The following WIPF2 variants were observed in gnomAD, a reference collection of about 807,000 sequenced individuals.
The protein encoded by WIPF2 is WAS/WASL interacting protein family member 2, also known as WAS/WASL-interacting protein family member 2.
Under a neutral mutation model 38.8 loss-of-function variants are expected in WIPF2, and 23 were observed. That is an observed-to-expected ratio of 0.59 (90% confidence interval 0.43 to 0.84). WIPF2 has a LOEUF of 0.84. Among genes scored for constraint, WIPF2 ranks in the 40% least tolerant of loss-of-function variants. The probability of loss-of-function intolerance (pLI) is 0.00; values close to 1 mark genes in which losing one functional copy is unlikely to be tolerated. For missense variants in WIPF2, 574 were observed against 580.5 expected, an observed-to-expected ratio of 0.99 and a Z score of 0.11; for synonymous variants, 210 against 223.2, an observed-to-expected ratio of 0.94 and a Z score of 0.53.
At chr17:40,275,253 A>C (rs1002360241) in intron 6 of WIPF2, among the ~76,000 whole-genome samples, 2 of 151,682 alleles carry the variant, frequency 1.3e-5, no homozygotes, top group African/African-American at 2.4e-5. Flanking sequence ...AAAAAAAAAA[A>C]AAAAAAAACA....
intron 5 of WIPF2, among the ~76,000 whole-genome samples, chr17:40,272,105 C>T (rs193212228): frequency 2.0e-5 from 3 of 151,914 alleles, no homozygotes; most frequent in East Asian, 3.9e-4. Context: ...CCGCAACCTC[C>T]GCCTCTTGGG....
intron 1 of WIPF2, among the ~76,000 whole-genome samples, chr17:40,251,996 C>T (rs1215727748): frequency 6.6e-6 from 1 of 152,014 alleles, no homozygotes; most frequent in Non-Finnish European, 1.5e-5. Context: ...TGCTGTGTTG[C>T]CTAGGCTGGA....
intron 1 of WIPF2, among the ~76,000 whole-genome samples, chr17:40,240,284 C>T (rs1199969730): frequency 2.0e-5 from 3 of 151,702 alleles, no homozygotes; most frequent in Non-Finnish European, 2.9e-5. Context: ...AGGCTGGTCT[C>T]GAACCCTTGA....
At chr17:40,256,274 G>T in intron 1 of WIPF2, 117 bp from the exon 2 acceptor site, 1 of 748,894 alleles carries the variant, frequency 1.3e-6, no homozygotes. Context: ...TATCACAGTG[G>T]AACTAAAAGA....
chr17:40,220,613 A>ATGTATATG (rs1260630534), intron 1 of WIPF2: 1 of 81,896 alleles, frequency 1.2e-5, no homozygotes, highest in Non-Finnish European at 2.3e-5. Context: ...ATATATATAT[A>ATGTATATG]TATATGTATA....
Position 40,240,355 on chromosome 17 carries a change from G to A in WIPF2, c.-69-16036G>A, listed in dbSNP as rs183002878. On this transcript the variant is annotated intron_variant, in intron 1 of 7. Coordinates refer to ENST00000323571, the MANE Select transcript of WIPF2 (RefSeq NM_133264.5). ...TCTGGGATTACAGGTGTGAGCCACC[G>A]TGCCAGTCCCAGACTTTCAACCAGT... Among the ~76,000 whole-genome samples the A allele has an allele frequency of 3.3e-5, 5 of 152,108 alleles. No individual in the cohort carries two copies. The East Asian group carries it at 7.7e-4, about 24-fold the overall frequency.
At position 40,219,397 on chromosome 17, in the gene WIPF2, G is replaced by GCGGCGGCGGCGA. The variant is rs1555557768; in HGVS notation, c.-163_-162insGCGGCGGCGACG. 1.4e-5 allele frequency: 6 copies of GCGGCGGCGGCGA among 415,272 alleles called. No individual in the cohort carries two copies. Among genetic ancestry groups the GCGGCGGCGGCGA allele is most frequent in the Non-Finnish European group, 2.3e-5 (5 of 219,512 alleles). 25.7% of individuals were successfully genotyped at this position (415,272 alleles called of 1,614,324 possible). ...GGCGGCGGCGGCGGCGGCGGCGGCG[G>GCGGCGGCGGCGA]CGACGGCGAGAAAGAGCTTGCCGGG... On this transcript the variant is annotated 5_prime_UTR_variant, in exon 1 of 8. Transcript: ENST00000323571.
intron 1 of WIPF2, among the ~76,000 whole-genome samples, chr17:40,220,981 T>C (rs1347509055): frequency 6.6e-6 from 1 of 151,812 alleles, no homozygotes. Context: ...GGTTTCACTG[T>C]GTTAGCCAGG....
intron 1 of WIPF2, among the ~76,000 whole-genome samples, chr17:40,243,113 C>G (rs1016330528): frequency 2.0e-5 from 3 of 152,144 alleles, no homozygotes; most frequent in Admixed American, 1.3e-4. Flanking sequence ...AGCTCCTGGG[C>G]TGCCTTGTAT....
At position 40,277,872 on chromosome 17, in the gene WIPF2, G is replaced by A. The variant is rs941888368; in HGVS notation, c.1283-313G>A. ...CTCCCAAGTATCTAGGATTATAGGCGTGTGCCACCATGCCGGATTATTTTT... is the reference window on the plus strand; with the variant it reads ...CTCCCAAGTATCTAGGATTATAGGCATGTGCCACCATGCCGGATTATTTTT... On this transcript the variant is annotated intron_variant, in intron 7 of 7. Coordinates refer to ENST00000323571, the MANE Select transcript of WIPF2 (RefSeq NM_133264.5). 5.3e-5 allele frequency among the ~76,000 whole-genome samples: 8 copies of A among 151,746 alleles called. No individual in the cohort carries two copies. The South Asian group carries it at 6.2e-4, about 12-fold the overall frequency.
At chr17:40,271,061 C>T (rs1392600379) in intron 5 of WIPF2, among the ~76,000 whole-genome samples, 2 of 152,210 alleles carry the variant, frequency 1.3e-5, no homozygotes, top group Non-Finnish European at 2.9e-5. Context: ...CAGCCTCCAT[C>T]TCCCAGGTTC....
At chr17:40,241,781 A>G (rs2031198299) in intron 1 of WIPF2, among the ~76,000 whole-genome samples, 1 of 152,188 alleles carries the variant, frequency 6.6e-6, no homozygotes, top group Non-Finnish European at 1.5e-5. Flanking sequence ...TAACTTTACA[A>G]TCAAAAGGAC....
intron 1 of WIPF2, among the ~76,000 whole-genome samples, chr17:40,236,156 G>C (rs1015705616): frequency 6.6e-6 from 1 of 150,986 alleles, no homozygotes; most frequent in Non-Finnish European, 1.5e-5. Context: ...TGACTAAAGG[G>C]TTTCATTCAC....
At chr17:40,242,846 C>T (rs1256916719) in intron 1 of WIPF2, among the ~76,000 whole-genome samples, 1 of 152,200 alleles carries the variant, frequency 6.6e-6, no homozygotes, top group Non-Finnish European at 1.5e-5. Flanking sequence ...TTTCTGTACA[C>T]GTCCGCCTAT....
chr17:40,240,501 A>G (rs1214543160), intron 1 of WIPF2, among the ~76,000 whole-genome samples: 6 of 146,652 alleles, frequency 4.1e-5, no homozygotes, highest in Non-Finnish European at 9.0e-5. Flanking sequence ...GCTTCTTCCC[A>G]CTGCAGTGTT....
intron 1 of WIPF2, chr17:40,220,609 A>ATATG (rs1555558089): frequency 7.0e-5 from 6 of 85,390 alleles, no homozygotes; most frequent in Admixed American, 1.3e-4. Flanking sequence ...ATATATATAT[A>ATATG]TATATATATG....
Position 40,219,409 on chromosome 17 carries a change from AAG to A in WIPF2, c.-150_-149del, listed in dbSNP as rs1027953103. 5.4e-4 allele frequency: 202 copies of A among 374,400 alleles called. 1 individual carries two copies. Among genetic ancestry groups the A allele is most frequent in the African/African-American group, 4.4e-3 (190 of 43,280 alleles). 23.2% of individuals were successfully genotyped at this position (374,400 alleles called of 1,614,324 possible). ...GGCGGCGGCGGCGGCGACGGCGAGA[AAG>A]AGCTTGCCGGGGGGCGAGCAGGACA... On this transcript the variant is annotated 5_prime_UTR_variant, in exon 1 of 8. Coordinates refer to ENST00000323571, the MANE Select transcript of WIPF2 (RefSeq NM_133264.5).
intron 7 of WIPF2, 22 bp downstream of exon 7, chr17:40,277,206 T>G (rs757450574): frequency 1.4e-6 from 2 of 1,406,592 alleles, no homozygotes; most frequent in African/African-American, 1.4e-5. Flanking sequence ...AATAAGAAGG[T>G]TTTTCCATAA....
At chr17:40,255,816 C>T (rs71371418) in intron 1 of WIPF2, among the ~76,000 whole-genome samples, 27,009 of 150,612 alleles carry the variant, frequency 0.18, 2,989 homozygotes, top group East Asian at 0.27. Context: ...TTAGTAGAGA[C>T]GGGGTTTCAC....
Sources: allele counts gnomAD v4.1 joint callset (sites outside exome capture counted in the v4.1 genomes callset), GRCh38; gene constraint gnomAD v4.1.1; transcripts MANE v1.5; gene names NCBI Gene and HGNC (gene_info 2026-07-23, HGNC 2026-07-21).